Variants in GP9 observed in about 807,000 individuals in gnomAD.
The protein encoded by GP9 is platelet glycoprotein IX.
For synonymous variants in GP9, 116 were observed against 116.7 expected (o/e 0.99, Z 0.04); for missense variants, 228 against 241.8 (o/e 0.94, Z 0.38).
At chr3:129,061,468 CA>C in intron 1 of GP9, 25 bp from the exon 2 acceptor site, 1 of 570,516 alleles carries the variant, frequency 1.8e-6, no homozygotes, top group Non-Finnish European at 3.2e-6. Flanking sequence ...TTCCCCTTCC[CA>C]AAAACAAACT....
chr3:129,057,498 G>A (rs1946531514), upstream of GP9, among the ~76,000 whole-genome samples: 3 of 152,216 alleles, frequency 2.0e-5, 1 homozygote, highest in Non-Finnish European at 4.4e-5. Flanking sequence ...AAAGTAGACA[G>A]TGGGTGATGG....
the GP9 span, among the ~76,000 whole-genome samples, chr3:129,055,735 C>G: frequency 6.6e-6 from 1 of 151,886 alleles, no homozygotes; most frequent in African/African-American, 2.4e-5. Context: ...ACCTGCGCCT[C>G]CCAGGTTCAA....
At position 129,062,386 on chromosome 3, in the gene GP9, C is replaced by T. The variant is rs1380263145; in HGVS notation, c.*113C>T. 1.4e-6 allele frequency: 1 copy of T among 721,316 alleles called. No individual in the cohort carries two copies. The highest frequency in any genetic ancestry group is 2.3e-6 in the Non-Finnish European group (1 of 437,182). 44.7% of individuals were successfully genotyped at this position (721,316 alleles called of 1,614,324 possible). On this transcript the variant is annotated 3_prime_UTR_variant, in exon 3 of 3. Coordinates refer to ENST00000307395, the MANE Select transcript of GP9 (RefSeq NM_000174.5). ...CCACCAGAAGCCCAGAATAAACTGG[C>T]AGCTCAGCTGTTTTATATAAGCTCA...
upstream of GP9, among the ~76,000 whole-genome samples, chr3:129,056,487 G>T (rs1312419154): frequency 6.6e-6 from 1 of 152,210 alleles, no homozygotes; most frequent in Non-Finnish European, 1.5e-5. Context: ...CCAAACAGAG[G>T]CTGTTTCCTT....
upstream of GP9, among the ~76,000 whole-genome samples, chr3:129,057,541 G>A (rs1301038252): frequency 6.6e-6 from 1 of 152,194 alleles, no homozygotes; most frequent in East Asian, 1.9e-4. Context: ...AAGCTACAGG[G>A]GGGCCTGTAG....
upstream of GP9, among the ~76,000 whole-genome samples, chr3:129,060,487 C>A (rs1201413001): frequency 1.3e-5 from 2 of 152,248 alleles, no homozygotes; most frequent in Non-Finnish European, 2.9e-5. Context: ...GAGGAACAAC[C>A]AGCAGAGCCA....
rs780057910 is a variant in GP9, at chr3:129,062,014, G to C, written c.275G>C (p.Ser92Thr). 1.9e-6 allele frequency: 3 copies of C among 1,613,696 alleles called. No individual in the cohort carries two copies. The highest frequency in any genetic ancestry group is 2.5e-6 in the Non-Finnish European group (3 of 1,179,888). The change falls in exon 3 of 3, where the codon AGC (serine) becomes ACC (threonine). Residue 92 changes from serine to threonine, a missense_variant. Coordinates refer to ENST00000307395, the MANE Select transcript of GP9 (RefSeq NM_000174.5). ...VTQNPWHCDC[S>T]LTYLRLWLED... ...CAGAACCCCTGGCACTGTGACTGCA[G>C]CCTCACCTATCTGCGCCTCTGGCTG...
chr3:129,055,803 C>T (rs1163747995), upstream of GP9, among the ~76,000 whole-genome samples: 1 of 152,136 alleles, frequency 6.6e-6, no homozygotes, highest in Non-Finnish European at 1.5e-5. Context: ...TGACACCACG[C>T]CCAGCTAAAT....
upstream of GP9, among the ~76,000 whole-genome samples, chr3:129,059,608 C>T (rs931236889): frequency 6.6e-6 from 1 of 152,178 alleles, no homozygotes; most frequent in African/African-American, 2.4e-5. Context: ...CTTCTCTGAG[C>T]CCAGCATCAG....
In GP9 at chr3:129,062,243, G is replaced by T; in HGVS notation, c.504G>T (p.Leu168=). 1 of 1,557,464 alleles carries T rather than the reference G, an allele frequency of 6.4e-7. No individual in the cohort carries two copies. Among genetic ancestry groups the T allele is most frequent in the East Asian group, 2.4e-5 (1 of 42,088 alleles). The stretch of plus-strand genomic sequence containing the variant: ...TGGGCCTGGCTCTTCTGGCTGGCCT[G>T]CTGTGTGCCACCACAGAGGCCCTGG... ...AALGLALLAG[L]LCATTEALD The change falls in exon 3 of 3, where the codon CTG becomes CTT. Residue 168 remains leucine, a synonymous_variant. Coordinates refer to ENST00000307395, the MANE Select transcript of GP9 (RefSeq NM_000174.5).
Position 129,061,820 on chromosome 3 carries a change from C to G in GP9, c.81C>G (p.Arg27=), listed in dbSNP as rs377254159. 1 of 1,612,688 alleles carries G rather than the reference C, an allele frequency of 6.2e-7. No homozygotes were observed. Among genetic ancestry groups the G allele is most frequent in the African/African-American group, 1.3e-5 (1 of 74,916 alleles). The change falls in exon 3 of 3, where the codon CGC becomes CGG. Residue 27 remains arginine (R), a synonymous_variant. Coordinates refer to ENST00000307395, the MANE Select transcript of GP9 (RefSeq NM_000174.5). ...TKDCPSPCTC[R]ALETMGLWVD... ...ACTGCCCCAGCCCATGTACCTGCCGCGCCCTGGAAACCATGGGGCTGTGGG... is the reference window on the plus strand; with the variant it reads ...ACTGCCCCAGCCCATGTACCTGCCGGGCCCTGGAAACCATGGGGCTGTGGG...
upstream of GP9, among the ~76,000 whole-genome samples, chr3:129,058,440 C>T (rs1207407261): frequency 1.3e-5 from 2 of 152,248 alleles, no homozygotes; most frequent in Admixed American, 1.3e-4. Context: ...GGTCCCCAGC[C>T]TGCTGATGGC....
intron 1 of GP9, among the ~76,000 whole-genome samples, 151 bp downstream of exon 1, chr3:129,061,001 T>G (rs1946569212): frequency 6.6e-6 from 1 of 152,216 alleles, no homozygotes; most frequent in African/African-American, 2.4e-5. Flanking sequence ...GATTTGACAC[T>G]TATTCACTGG....
upstream of GP9, chr3:129,060,691 G>C (rs1946563878): frequency 6.6e-6 from 1 of 152,368 alleles, no homozygotes; most frequent in Admixed American, 6.5e-5. Flanking sequence ...CTGGAAATAG[G>C]CCCCAAGGCT....
chr3:129,055,890 C>T (rs1946517651), upstream of GP9, among the ~76,000 whole-genome samples: 1 of 152,136 alleles, frequency 6.6e-6, no homozygotes, highest in Non-Finnish European at 1.5e-5. Context: ...AGTGATCCGC[C>T]CACCTCGGCC....
At position 129,061,763 on chromosome 3, in the gene GP9, C is replaced by G. The variant is rs779861329; in HGVS notation, c.24C>G (p.Phe8Leu). Residue 8 changes from phenylalanine (F) to leucine (L), a missense_variant, in exon 3 of 3, where the codon TTC becomes TTG. Phe to Leu is a conservative substitution (Grantham distance 22, BLOSUM62 0). Transcript: ENST00000307395. MPAWGAL[F>L]LLWATAEATK... ...CCATGCCTGCCTGGGGAGCCCTGTT[C>G]CTGCTCTGGGCCACAGCAGAGGCCA... is the stretch of plus-strand genomic sequence containing the variant. The G allele has an allele frequency of 6.2e-6, 10 of 1,612,916 alleles. No individual in the cohort carries two copies. The South Asian group carries it at 1.1e-4, about 18-fold the overall frequency.
chr3:129,057,730 G>A (rs1014993802), upstream of GP9, among the ~76,000 whole-genome samples: 2 of 152,122 alleles, frequency 1.3e-5, no homozygotes, highest in African/African-American at 4.8e-5. Context: ...CTCTTCAGAG[G>A]AGTTTTATGG....
At chr3:129,056,637 G>A (rs541358215), upstream of GP9, among the ~76,000 whole-genome samples, 13 of 152,308 alleles carry the variant, frequency 8.5e-5, no homozygotes, top group Admixed American at 7.2e-4. Context: ...CCTAGTGGGT[G>A]CTGAGGTTCT....
the GP9 span, among the ~76,000 whole-genome samples, chr3:129,055,575 G>A: frequency 1.3e-5 from 2 of 152,062 alleles, no homozygotes; most frequent in Non-Finnish European, 2.9e-5. Context: ...TTAATCACAA[G>A]AGACAAAAAT....
Sources: gnomAD v4.1 joint callset for allele counts (sites outside exome capture counted in the v4.1 genomes callset) on GRCh38, gnomAD v4.1.1 for gene constraint, MANE v1.5 for transcripts, NCBI Gene and HGNC (gene_info 2026-07-23, HGNC 2026-07-21) for gene names.